STAT3: variants seen among roughly 807,000 people sequenced by gnomAD.
The protein encoded by STAT3 is signal transducer and activator of transcription 3.
STAT3 carries 7 observed loss-of-function variants against 114.3 expected under a neutral mutation model. That is an observed-to-expected ratio of 0.06 (90% confidence interval 0.03 to 0.11). The LOEUF (loss-of-function observed/expected upper bound fraction) is 0.11, where lower values mean the gene tolerates loss of function less well. Ranked by LOEUF, STAT3 falls within the 10% of genes least tolerant of loss-of-function variation. The pLI is 1.00. For missense variants in STAT3, 364 were observed against 960.9 expected, an observed-to-expected ratio of 0.38 and a Z score of 8.21; for synonymous variants, 331 against 354.5, an observed-to-expected ratio of 0.93 and a Z score of 0.74.
chr17:42,315,791 G>GAT lies in STAT3; in HGVS notation c.2266_2267insAT (p.Thr756AsnfsTer7), dbSNP rs1383396218. On this transcript the variant is annotated frameshift_variant, in exon 24 of 24. Transcript: ENST00000264657. LOFTEE classifies it high-confidence loss of function. ...CTCCGAGGTCAACTCCATGTCAAAG[G>GAT]TGAGGGACTCTGGAGGGACAGACAG... is the stretch of plus-strand genomic sequence containing the variant. 6.2e-7 allele frequency: 1 copy of GAT among 1,613,934 alleles called. No individual in the cohort carries two copies. The highest frequency in any genetic ancestry group is 1.3e-5 in the African/African-American group (1 of 74,880).
At chr17:42,377,987 T>TC (rs2084561244) in intron 1 of STAT3, among the ~76,000 whole-genome samples, 1 of 149,710 alleles carries the variant, frequency 6.7e-6, no homozygotes, top group East Asian at 2.0e-4. Flanking sequence ...AACAGGATTT[T>TC]TTTTTTTTTT....
Position 42,324,193 on chromosome 17 carries a change from C to T in STAT3, c.1600+518G>A, listed in dbSNP as rs942456323. Reference sequence around the variant, plus strand: ...AATTAGCTGGGCGTGGTGGTGAGCACCTGTAGTCTCAGCTACTCGGGAGGC... The same window carrying T: ...AATTAGCTGGGCGTGGTGGTGAGCATCTGTAGTCTCAGCTACTCGGGAGGC... On this transcript the variant is annotated intron_variant, in intron 17 of 23. Transcript: ENST00000264657. This position sits in a 1 kb window ranked among gnomAD's most constrained non-coding sequence, Gnocchi z 4.5. Among the ~76,000 whole-genome samples, 3 of 151,964 alleles carry T rather than the reference C, an allele frequency of 2.0e-5. No homozygotes were observed. Among genetic ancestry groups the T allele is most frequent in the African/African-American group, 7.3e-5 (3 of 41,362 alleles).
In STAT3 at chr17:42,324,893, A is replaced by G. The variant is rs2144716772; in HGVS notation, c.1465-47T>C. On this transcript the variant is annotated intron_variant, in intron 16 of 23. Transcript: ENST00000264657. This position sits in a 1 kb window ranked among gnomAD's most constrained non-coding sequence, Gnocchi z 4.5. ...CTTGTTTAGATGAGGGATGGTGCTCATTGTCTATACTAGGTACCCCTAAGT... is the reference window on the plus strand; with the variant it reads ...CTTGTTTAGATGAGGGATGGTGCTCGTTGTCTATACTAGGTACCCCTAAGT... The G allele has an allele frequency of 6.2e-7, 1 of 1,614,158 alleles. No homozygotes were observed. The highest frequency in any genetic ancestry group is 2.2e-5 in the East Asian group (1 of 44,886).
At chr17:42,347,596 T>C (rs2082757322) in intron 2 of STAT3, among the ~76,000 whole-genome samples, 1 of 152,234 alleles carries the variant, frequency 6.6e-6, no homozygotes, top group Non-Finnish European at 1.5e-5. Flanking sequence ...TCTACATCCC[T>C]GCCCAAATCT....
intron 4 of STAT3, among the ~76,000 whole-genome samples, chr17:42,342,163 C>A (rs2082468409): frequency 6.6e-6 from 1 of 152,148 alleles, no homozygotes; most frequent in African/African-American, 2.4e-5. Flanking sequence ...TCGCTCACAC[C>A]TGAGCATATC....
At chr17:42,362,151 C>T (rs2083542867) in intron 1 of STAT3, among the ~76,000 whole-genome samples, 1 of 152,204 alleles carries the variant, frequency 6.6e-6, no homozygotes, top group Non-Finnish European at 1.5e-5. Context: ...CACACAGTCT[C>T]TAAAAACTGT....
chr17:42,384,434 G>A (rs2084981665), intron 1 of STAT3, among the ~76,000 whole-genome samples: 1 of 151,328 alleles, frequency 6.6e-6, no homozygotes, highest in Non-Finnish European at 1.5e-5. Flanking sequence ...CCGGCGCCCC[G>A]AAAGTTTTAA....
chr17:42,372,982 G>A (rs2145277368), intron 1 of STAT3, among the ~76,000 whole-genome samples: 1 of 152,092 alleles, frequency 6.6e-6, no homozygotes, highest in East Asian at 1.9e-4. Flanking sequence ...TAGAAGTTGT[G>A]GGAGAAAGTA....
intron 1 of STAT3, among the ~76,000 whole-genome samples, chr17:42,376,664 G>A (rs956335399): frequency 3.3e-5 from 5 of 151,272 alleles, no homozygotes; most frequent in Non-Finnish European, 4.4e-5. Context: ...GGCTAACATG[G>A]TGAAACCCCG....
In STAT3 at chr17:42,338,612, G is replaced by A. The variant is rs367838574; in HGVS notation, c.550+119C>T. The A allele has an allele frequency of 1.2e-4, 109 of 924,788 alleles. 1 individual carries two copies. The highest frequency in any genetic ancestry group is 1.1e-3 in the African/African-American group (66 of 62,672). 57.3% of individuals were successfully genotyped at this position (924,788 alleles called of 1,614,324 possible). ...AATGACCAGGCTCCTTTGAGGACCC[G>A]TACCTCCCTTGCGCCCCGCCCGCCT... is the stretch of plus-strand genomic sequence containing the variant. On this transcript the variant is annotated intron_variant, in intron 6 of 23. Coordinates refer to ENST00000264657, the MANE Select transcript of STAT3 (RefSeq NM_139276.3).
intron 20 of STAT3, among the ~76,000 whole-genome samples, 196 bp from the exon 21 acceptor site, chr17:42,322,690 G>A (rs1157216289): frequency 1.3e-5 from 2 of 152,194 alleles, no homozygotes; most frequent in Admixed American, 6.5e-5. Context: ...GCTACTAGTT[G>A]GGTCATAGAA....
intron 8 of STAT3, among the ~76,000 whole-genome samples, chr17:42,336,394 T>G (rs1244380152): frequency 6.6e-6 from 1 of 152,108 alleles, no homozygotes; most frequent in African/African-American, 2.4e-5. Context: ...GCCCAGGAAT[T>G]TGAGACCAGC....
In STAT3 at chr17:42,324,347, C is replaced by CA. The variant is rs1384393677; in HGVS notation, c.1600+363dup. ...AAATAAATAAATAAATAAAATAAGA[C>CA]AAAAAAAACCAACTAGCCTATAGTT... On this transcript the variant is annotated intron_variant, in intron 17 of 23. Transcript: ENST00000264657. This position sits in a 1 kb window ranked among gnomAD's most constrained non-coding sequence, Gnocchi z 4.5. 3.9e-3 allele frequency among the ~76,000 whole-genome samples: 587 copies of CA among 151,306 alleles called. 7 individuals are homozygous for CA. Among genetic ancestry groups the CA allele is most frequent in the African/African-American group, 0.012 (513 of 41,166 alleles).
chr17:42,323,665 T>G, intron 17 of STAT3, 40 bp from the exon 18 acceptor site: 2 of 1,601,506 alleles, frequency 1.2e-6, no homozygotes, highest in Non-Finnish European at 1.7e-6. Flanking sequence ...CATTTTCAGC[T>G]TGGGGTCAAG....
At chr17:42,316,611 T>C in intron 23 of STAT3, 178 bp downstream of exon 23, 1 of 1,484,876 alleles carries the variant, frequency 6.7e-7, no homozygotes, top group East Asian at 2.5e-5. Context: ...ATTTCCAGTG[T>C]GGCTGCTAGA....
At chr17:42,358,658 G>A (rs534774172) in intron 1 of STAT3, among the ~76,000 whole-genome samples, 40 of 152,244 alleles carry the variant, frequency 2.6e-4, no homozygotes, top group African/African-American at 8.7e-4. Context: ...GTGGTGTGGG[G>A]GAAAGGACAG....
chr17:42,356,799 GTTGT>G (rs1437757709), intron 1 of STAT3, among the ~76,000 whole-genome samples: 1 of 150,992 alleles, frequency 6.6e-6, no homozygotes, highest in Non-Finnish European at 1.5e-5. Flanking sequence ...TGTTGTTGTT[GTTGT>G]TTGAGACAGA....
rs548057402 is a variant in STAT3, at chr17:42,335,009, C to A, written c.798-960G>T. The stretch of plus-strand genomic sequence containing the variant: ...GACAGCTCCCAAAGATGGGTTTGAG[C>A]CAGCTCTGTCACACACTATCTGTGC... On this transcript the variant is annotated intron_variant, in intron 8 of 23. Coordinates refer to ENST00000264657, the MANE Select transcript of STAT3 (RefSeq NM_139276.3). Among the ~76,000 whole-genome samples, 307 of 152,304 alleles carry A rather than the reference C, an allele frequency of 2.0e-3. 2 individuals are homozygous for A. The highest frequency in any genetic ancestry group is 6.9e-3 in the African/African-American group (286 of 41,566).
At chr17:42,326,062 T>C (rs866683196) in intron 15 of STAT3, 54 bp downstream of exon 15, 3 of 1,494,206 alleles carry the variant, frequency 2.0e-6, no homozygotes, top group Middle Eastern at 1.7e-4. Context: ...TGGAAGTTTT[T>C]GTCCTGAGTC....
Sources: allele counts gnomAD v4.1 joint callset (sites outside exome capture counted in the v4.1 genomes callset), GRCh38; gene constraint gnomAD v4.1.1; non-coding constraint Gnocchi (gnomAD v3.1); transcripts MANE v1.5; gene names NCBI Gene and HGNC (gene_info 2026-07-23, HGNC 2026-07-21).